The following SLK variants were observed in gnomAD, a reference collection of about 807,000 sequenced individuals.
SLK encodes STE20 like kinase.
In SLK, 67 loss-of-function variants were observed where a neutral mutation model predicts 147.7. The ratio of observed to expected loss-of-function variants is 0.45; its 90% CI spans 0.37 to 0.56. The LOEUF (loss-of-function observed/expected upper bound fraction) is 0.56, where lower values mean the gene tolerates loss of function less well. SLK is among the 20% of genes least tolerant of loss of function. The pLI is 0.00. For missense variants in SLK, 1,136 were observed against 1,438.8 expected (o/e 0.79, Z 3.41); for synonymous variants, 441 against 475.0 (o/e 0.93, Z 0.93).
chr10:104,005,853 CGT>C, intron 10 of SLK, 57 bp from the exon 11 acceptor site: 1 of 1,538,152 alleles, frequency 6.5e-7, no homozygotes, highest in Non-Finnish European at 8.8e-7. Context: ...TAAAAAAAAA[CGT>C]ATTTCAGAAG....
chr10:104,026,378 G>A lies in SLK; in HGVS notation c.*658G>A, dbSNP rs41287518. On this transcript the variant is annotated 3_prime_UTR_variant, in exon 19 of 19. Transcript: ENST00000369755. ...CTAAATTTCAGTCAAGTCGTAAGTAGGATTTTCTTTTTGATCAACAGGGAC... is the reference window on the plus strand; with the variant it reads ...CTAAATTTCAGTCAAGTCGTAAGTAAGATTTTCTTTTTGATCAACAGGGAC... The A allele has an allele frequency of 0.022, 3,432 of 152,634 alleles. 52 individuals carry two copies. The highest frequency in any genetic ancestry group is 0.039 in the African/African-American group (1,639 of 41,526). 9.5% of individuals were successfully genotyped at this position (152,634 alleles called of 1,614,324 possible).
At chr10:104,015,194 G>C (rs1466422980) in intron 13 of SLK, among the ~76,000 whole-genome samples, 1 of 152,168 alleles carries the variant, frequency 6.6e-6, no homozygotes, top group African/African-American at 2.4e-5. Flanking sequence ...AATTTTTCAA[G>C]TCTACAGCTC....
intron 13 of SLK, among the ~76,000 whole-genome samples, chr10:104,015,096 T>C (rs1407664901): frequency 1.3e-5 from 2 of 151,708 alleles, no homozygotes; most frequent in Non-Finnish European, 3.0e-5. Flanking sequence ...TTGATTAGTG[T>C]GTAAGGGACC....
chr10:104,018,378 C>G, intron 14 of SLK, 89 bp downstream of exon 14: 1 of 1,228,518 alleles, frequency 8.1e-7, no homozygotes, highest in South Asian at 1.4e-5. Flanking sequence ...CTTAAAATTT[C>G]TTCTTGCCCT....
chr10:103,983,667 GTT>G (rs11327089), intron 1 of SLK, among the ~76,000 whole-genome samples: 125 of 145,008 alleles, frequency 8.6e-4, no homozygotes, highest in Non-Finnish European at 1.1e-3. Flanking sequence ...CCTTGTAGAG[GTT>G]TTTTTTTTTT....
chr10:104,006,543 T>A (rs1262332607), intron 11 of SLK, among the ~76,000 whole-genome samples: 3 of 152,248 alleles, frequency 2.0e-5, no homozygotes, highest in Non-Finnish European at 2.9e-5. Context: ...TAGTGCTGAC[T>A]AGTCCTGGGT....
chr10:104,023,493 G>C (rs1405207516), intron 18 of SLK, among the ~76,000 whole-genome samples: 2 of 152,164 alleles, frequency 1.3e-5, no homozygotes, highest in Non-Finnish European at 2.9e-5. Context: ...CCTATTTGGT[G>C]TTGTTTATAT....
At chr10:104,021,517 G>T in intron 17 of SLK, 103 bp from the exon 18 acceptor site, 1 of 637,218 alleles carries the variant, frequency 1.6e-6, no homozygotes, top group East Asian at 2.9e-5. Context: ...CTCAGTAATA[G>T]CATGATATTT....
chr10:104,009,985 T>G (rs1465441467), intron 12 of SLK, among the ~76,000 whole-genome samples: 1 of 152,142 alleles, frequency 6.6e-6, no homozygotes, highest in Admixed American at 6.5e-5. Flanking sequence ...AAACACATGA[T>G]TGTTTTTCAT....
chr10:104,016,307 A>T (rs1049540217), intron 13 of SLK, among the ~76,000 whole-genome samples: 1 of 152,024 alleles, frequency 6.6e-6, no homozygotes, highest in Non-Finnish European at 1.5e-5. Context: ...TGACAGAGCA[A>T]GACTCTCTTT....
At chr10:104,009,921 C>T (rs1301511174) in intron 12 of SLK, among the ~76,000 whole-genome samples, 1 of 151,996 alleles carries the variant, frequency 6.6e-6, no homozygotes, top group Non-Finnish European at 1.5e-5. Context: ...TTTCACGGAC[C>T]ATCAATAGCA....
chr10:104,020,480 A>G lies in SLK; in HGVS notation c.3322-8A>G. ...GAACTATAGTTTATCTTTTTTTCTT[A>G]TTTATAGTTTGCTGCACAAGAAGAA... On this transcript the variant is annotated splice_region_variant and splice_polypyrimidine_tract_variant and intron_variant, in intron 16 of 18. Transcript: ENST00000369755. 1 of 1,604,714 alleles carries G rather than the reference A, an allele frequency of 6.2e-7. No individual in the cohort carries two copies. Among genetic ancestry groups the G allele is most frequent in the Non-Finnish European group, 8.5e-7 (1 of 1,176,416 alleles).
At chr10:103,972,151 CTATTA>C (rs1843801004) in intron 1 of SLK, among the ~76,000 whole-genome samples, 2 of 152,210 alleles carry the variant, frequency 1.3e-5, no homozygotes, top group South Asian at 2.1e-4. Flanking sequence ...GCATTGTATT[CTATTA>C]TATGATGATA....
rs1423780168 is a variant in SLK at position 103,990,797 on chromosome 10, A to T, written c.273A>T (p.Ile91=). 1.3e-6 allele frequency: 2 copies of T among 1,542,548 alleles called. No homozygotes were observed. Among genetic ancestry groups the T allele is most frequent in the South Asian group, 1.3e-5 (1 of 76,678 alleles). ...DILASCDHPN[I]VKLLDAFYYE... ...TAGCATCTTGTGATCACCCAAATAT[A>T]GTCAAGCTTCTAGATGCCTTCTATT... The change falls in exon 2 of 19, where the codon ATA becomes ATT. Residue 91 remains isoleucine, a synonymous_variant. Coordinates refer to ENST00000369755, the MANE Select transcript of SLK (RefSeq NM_014720.4).
In SLK at chr10:104,018,051, C is replaced by G; in HGVS notation, c.2878-109C>G. 3 of 860,026 alleles carry G rather than the reference C, an allele frequency of 3.5e-6. No individual in the cohort carries two copies. The South Asian group carries it at 5.7e-5, about 16-fold the overall frequency. The allele number at this position is 860,026 out of a possible 1,614,324, so 53.3% of individuals were successfully genotyped here. On this transcript the variant is annotated intron_variant, in intron 13 of 18. Coordinates refer to ENST00000369755, the MANE Select transcript of SLK (RefSeq NM_014720.4). ...TGATTTTAAAATCCAGCTAACTTTGCAAACTTGGTTTGGAAATCTTGTTAA... is the reference window on the plus strand; with the variant it reads ...TGATTTTAAAATCCAGCTAACTTTGGAAACTTGGTTTGGAAATCTTGTTAA...
chr10:103,995,414 CTTTCTTTTCTTTTT>C (rs1844155161), intron 4 of SLK, among the ~76,000 whole-genome samples: 2 of 125,378 alleles, frequency 1.6e-5, no homozygotes, highest in Non-Finnish European at 1.7e-5. Context: ...TTTTTCTTTT[CTTTCTTTTCTTTTT>C]TTTTTTTTTT....
At chr10:103,981,397 A>G (rs1843940378) in intron 1 of SLK, among the ~76,000 whole-genome samples, 1 of 152,096 alleles carries the variant, frequency 6.6e-6, no homozygotes, top group Non-Finnish European at 1.5e-5. Flanking sequence ...CTTTAGTGTC[A>G]TATCTCAGAA....
At position 104,008,404 on chromosome 10, in the gene SLK, A is replaced by C. The variant is rs1376211638; in HGVS notation, c.2784+48A>C. ...AATTACTAAAGCTTTTTTTTTAAAA[A>C]AATTGTTTTAAGACTATCTAAGGAT... is the stretch of plus-strand genomic sequence containing the variant. On this transcript the variant is annotated intron_variant, in intron 12 of 18. Transcript: ENST00000369755. 9.6e-6 allele frequency: 13 copies of C among 1,360,010 alleles called. No homozygotes were observed. In the African/African-American group the frequency reaches 1.8e-4, roughly 19 times the overall value. The allele number at this position is 1,360,010 out of a possible 1,614,324, so 84.2% of individuals were successfully genotyped here.
intron 13 of SLK, among the ~76,000 whole-genome samples, chr10:104,015,704 T>C (rs1158339248): frequency 1.3e-5 from 2 of 152,202 alleles, no homozygotes; most frequent in African/African-American, 4.8e-5. Flanking sequence ...GTGTTTAATT[T>C]AGACATAAAT....
Sources: gnomAD v4.1 joint callset for allele counts (sites outside exome capture counted in the v4.1 genomes callset) on GRCh38, gnomAD v4.1.1 for gene constraint, MANE v1.5 for transcripts, NCBI Gene and HGNC (gene_info 2026-07-23, HGNC 2026-07-21) for gene names.